TXLNB: variants seen among roughly 807,000 people sequenced by gnomAD.
TXLNB encodes the protein taxilin beta.
Under a neutral mutation model 57.4 loss-of-function variants are expected in TXLNB, and 37 were observed. The ratio of observed to expected loss-of-function variants is 0.64; its 90% CI spans 0.50 to 0.85. TXLNB has a LOEUF of 0.85. Ranked by LOEUF, TXLNB falls within the 40% of genes least tolerant of loss-of-function variation. The probability of loss-of-function intolerance (pLI) is 0.00; values close to 1 mark genes in which losing one functional copy is unlikely to be tolerated. For synonymous variants in TXLNB, 302 were observed against 309.6 expected (o/e 0.98, Z 0.26); for missense variants, 848 against 825.6 (o/e 1.03, Z -0.33).
the TXLNB span, among the ~76,000 whole-genome samples, chr6:139,230,076 C>T: frequency 1.3e-5 from 2 of 152,138 alleles, no homozygotes; most frequent in African/African-American, 4.8e-5. Context: ...GTGTGGCAGA[C>T]AATTAGTTTG....
At chr6:139,297,384 G>A in the TXLNB span, among the ~76,000 whole-genome samples, 1 of 152,130 alleles carries the variant, frequency 6.6e-6, no homozygotes, top group Admixed American at 6.6e-5. Context: ...ATCCAGTAGA[G>A]ACTTGGTTGT....
At chr6:139,167,527 C>A in the TXLNB span, among the ~76,000 whole-genome samples, 1 of 152,222 alleles carries the variant, frequency 6.6e-6, no homozygotes, top group South Asian at 2.1e-4. Context: ...GTACAGTTGT[C>A]CTAGCGGATA....
chr6:139,291,488 G>C (rs1286086185), intron 1 of TXLNB, among the ~76,000 whole-genome samples: 5 of 152,008 alleles, frequency 3.3e-5, no homozygotes, highest in African/African-American at 1.2e-4. Flanking sequence ...TAATTCCATG[G>C]CTATTCTTTA....
At chr6:139,291,697 G>C (rs1160070613) in intron 1 of TXLNB, among the ~76,000 whole-genome samples, 2 of 152,122 alleles carry the variant, frequency 1.3e-5, no homozygotes, top group African/African-American at 2.4e-5. Context: ...AAACTTTATT[G>C]CCTTATTTTC....
intron 2 of TXLNB, among the ~76,000 whole-genome samples, chr6:139,281,050 A>T (rs567368360): frequency 4.7e-5 from 7 of 147,822 alleles, no homozygotes; most frequent in East Asian, 1.9e-4. Flanking sequence ...TGATTTATTT[A>T]TTTATTTTTT....
At chr6:139,276,754 T>C in intron 3 of TXLNB, 76 bp downstream of exon 3, 1 of 1,036,686 alleles carries the variant, frequency 9.6e-7, no homozygotes, top group Non-Finnish European at 1.5e-6. Flanking sequence ...GATTGGCAGG[T>C]GTTTGTTGTT....
intron 1 of TXLNB, among the ~76,000 whole-genome samples, chr6:139,291,400 G>T (rs1394850190): frequency 6.6e-6 from 1 of 152,130 alleles, no homozygotes; most frequent in Non-Finnish European, 1.5e-5. Context: ...TTTTACTTCG[G>T]TTAGTCTAAA....
chr6:139,242,274 T>C lies in TXLNB; in HGVS notation c.*252A>G. 1 of 347,048 alleles carries C rather than the reference T, an allele frequency of 2.9e-6. No homozygotes were observed. Among genetic ancestry groups the C allele is most frequent in the Non-Finnish European group, 5.1e-6 (1 of 194,480 alleles). 21.5% of individuals were successfully genotyped at this position (347,048 alleles called of 1,614,324 possible). On this transcript the variant is annotated 3_prime_UTR_variant, in exon 10 of 10. Coordinates refer to ENST00000358430, the MANE Select transcript of TXLNB (RefSeq NM_153235.4). ...ACAGAAAAGGAATATAAATTTGCTA[T>C]CTGTATGTTTTGTTGCCCTTTGGGA... is the stretch of plus-strand genomic sequence containing the variant.
intron 3 of TXLNB, among the ~76,000 whole-genome samples, chr6:139,276,313 C>T (rs780795004): frequency 3.3e-5 from 5 of 152,178 alleles, no homozygotes; most frequent in Non-Finnish European, 5.9e-5. Flanking sequence ...TTCTCAATAA[C>T]TTCTATAAAA....
At chr6:139,308,425 G>A in the TXLNB span, among the ~76,000 whole-genome samples, 1 of 152,242 alleles carries the variant, frequency 6.6e-6, no homozygotes, top group Non-Finnish European at 1.5e-5. Flanking sequence ...GGTAGTGGAA[G>A]AGGGAAGTTG....
chr6:139,205,981 G>A, the TXLNB span, among the ~76,000 whole-genome samples: 1 of 152,208 alleles, frequency 6.6e-6, no homozygotes, highest in Non-Finnish European at 1.5e-5. Context: ...AGATTCCTCA[G>A]CAGAAACCTT....
the TXLNB span, among the ~76,000 whole-genome samples, chr6:139,307,061 T>A: frequency 6.6e-6 from 1 of 152,210 alleles, no homozygotes; most frequent in African/African-American, 2.4e-5. Flanking sequence ...ATTAGATGTT[T>A]TAAATCTCAC....
At chr6:139,190,305 C>CTTTTTTTTTTTTTTTT in the TXLNB span, among the ~76,000 whole-genome samples, 22 of 108,872 alleles carry the variant, frequency 2.0e-4, no homozygotes, top group Admixed American at 7.0e-4. Context: ...TTCTTTCTTT[C>CTTTTTTTTTTTTTTTT]TTTCTTTTTT....
At chr6:139,161,372 A>G in the TXLNB span, among the ~76,000 whole-genome samples, 4 of 152,104 alleles carry the variant, frequency 2.6e-5, no homozygotes, top group Non-Finnish European at 5.9e-5. Flanking sequence ...CAGGGCTGGC[A>G]AGTTGGAGTG....
chr6:139,288,190 G>GT (rs1307504949), intron 2 of TXLNB, among the ~76,000 whole-genome samples: 2 of 152,240 alleles, frequency 1.3e-5, no homozygotes, highest in Non-Finnish European at 2.9e-5. Flanking sequence ...ACTGGGACTG[G>GT]TTGGAGTTAG....
At chr6:139,195,670 G>C in the TXLNB span, among the ~76,000 whole-genome samples, 1 of 152,124 alleles carries the variant, frequency 6.6e-6, no homozygotes. Context: ...CAAAACTGAA[G>C]ACAACCTAAT....
chr6:139,313,231 C>T, the TXLNB span, among the ~76,000 whole-genome samples: 1 of 151,982 alleles, frequency 6.6e-6, no homozygotes, highest in African/African-American at 2.4e-5. Context: ...TGCCACCATG[C>T]CCGGCTAATT....
At chr6:139,264,636 T>C (rs1776568734) in intron 4 of TXLNB, among the ~76,000 whole-genome samples, 1 of 152,186 alleles carries the variant, frequency 6.6e-6, no homozygotes, top group East Asian at 1.9e-4. Context: ...CTCGGCTCAC[T>C]GCAACCTCCA....
the TXLNB span, among the ~76,000 whole-genome samples, chr6:139,181,645 A>G: frequency 4.6e-5 from 7 of 152,206 alleles, no homozygotes; most frequent in Admixed American, 4.6e-4. Flanking sequence ...TTAATTTATA[A>G]ACTTTATCAT....
Sources: gnomAD v4.1 joint callset for allele counts (sites outside exome capture counted in the v4.1 genomes callset) on GRCh38, gnomAD v4.1.1 for gene constraint, MANE v1.5 for transcripts, NCBI Gene and HGNC (gene_info 2026-07-23, HGNC 2026-07-21) for gene names.